PTPRD: variants seen among roughly 807,000 people sequenced by gnomAD.
PTPRD encodes the protein receptor-type tyrosine-protein phosphatase delta.
PTPRD carries 34 observed loss-of-function variants against 214.5 expected under a neutral mutation model. That is an observed-to-expected ratio of 0.16 (90% confidence interval 0.12 to 0.21). The LOEUF is 0.21. PTPRD is among the 10% of genes least tolerant of loss of function. PTPRD has a pLI of 1.00. For synonymous variants in PTPRD, 1,128 were observed against 845.7 expected, an observed-to-expected ratio of 1.33 and a Z score of -5.79; for missense variants, 2,545 against 2,398.7, an observed-to-expected ratio of 1.06 and a Z score of -1.27.
chr9:8,417,871 C>A (rs1352871901), intron 35 of PTPRD, among the ~76,000 whole-genome samples: 1 of 152,114 alleles, frequency 6.6e-6, no homozygotes, highest in Non-Finnish European at 1.5e-5. Context: ...CACAGATATA[C>A]TAACAATGAA....
intron 3 of PTPRD, among the ~76,000 whole-genome samples, chr9:10,229,870 A>T (rs955071538): frequency 3.3e-5 from 5 of 151,958 alleles, no homozygotes; most frequent in African/African-American, 1.2e-4. Context: ...AAAGATAAAA[A>T]CAAAACAAGA....
intron 3 of PTPRD, among the ~76,000 whole-genome samples, chr9:10,074,042 G>A (rs1296414848): frequency 6.6e-6 from 1 of 152,200 alleles, no homozygotes; most frequent in African/African-American, 2.4e-5. Context: ...AAATAAATAT[G>A]CTCCAGGGTG....
intron 7 of PTPRD, among the ~76,000 whole-genome samples, chr9:9,611,062 C>T (rs965975798): frequency 1.3e-5 from 2 of 152,140 alleles, no homozygotes; most frequent in African/African-American, 4.8e-5. Flanking sequence ...CTTTTAACAT[C>T]ATATTGTAAA....
At chr9:9,131,874 G>C (rs1245383498) in intron 10 of PTPRD, among the ~76,000 whole-genome samples, 1 of 150,890 alleles carries the variant, frequency 6.6e-6, no homozygotes, top group African/African-American at 2.4e-5. Flanking sequence ...AAATTTGGCA[G>C]AGGTATCAGT....
At chr9:9,389,138 T>C (rs1417216220) in intron 9 of PTPRD, among the ~76,000 whole-genome samples, 1 of 152,196 alleles carries the variant, frequency 6.6e-6, no homozygotes, top group Non-Finnish European at 1.5e-5. Flanking sequence ...AATTTGATAA[T>C]ATATGTAAAA....
intron 3 of PTPRD, among the ~76,000 whole-genome samples, chr9:10,197,238 T>C (rs1031441456): frequency 3.3e-5 from 5 of 152,140 alleles, no homozygotes; most frequent in African/African-American, 1.2e-4. Context: ...ATTCTGTTTA[T>C]GATAACTTAC....
chr9:9,311,978 AG>A (rs1159599817), intron 9 of PTPRD, among the ~76,000 whole-genome samples: 4 of 152,234 alleles, frequency 2.6e-5, no homozygotes, highest in Admixed American at 1.3e-4. Context: ...TGCTAAATGT[AG>A]CAATATACAC....
chr9:9,864,010 G>A (rs1195330101), intron 5 of PTPRD, among the ~76,000 whole-genome samples: 1 of 152,134 alleles, frequency 6.6e-6, no homozygotes, highest in African/African-American at 2.4e-5. Context: ...GGCCTAGTAA[G>A]TTTGAAAGGT....
chr9:9,379,694 T>C (rs2061666627), intron 9 of PTPRD, among the ~76,000 whole-genome samples: 1 of 152,022 alleles, frequency 6.6e-6, no homozygotes, highest in African/African-American at 2.4e-5. Flanking sequence ...AAATTTGGTT[T>C]TCCTTTGACT....
intron 32 of PTPRD, among the ~76,000 whole-genome samples, chr9:8,463,400 T>C (rs1237622593): frequency 4.6e-5 from 7 of 151,454 alleles, no homozygotes; most frequent in East Asian, 1.9e-4. Context: ...AGAAACATGA[T>C]TTTTTATATA....
chr9:8,782,595 GCTTT>G (rs1186874825), intron 11 of PTPRD, among the ~76,000 whole-genome samples: 1 of 122,734 alleles, frequency 8.1e-6, no homozygotes, highest in Non-Finnish European at 1.6e-5. Flanking sequence ...AATACTTAAC[GCTTT>G]TTTTTTTTTT....
In PTPRD at chr9:10,314,951, T is replaced by C. The variant is rs548828070; in HGVS notation, c.-545+26012A>G. Among the ~76,000 whole-genome samples, 10 of 152,040 alleles carry C rather than the reference T, an allele frequency of 6.6e-5. No homozygotes were observed. The South Asian group carries it at 2.1e-3, about 32-fold the overall frequency. ...GTTTCTTCAGGGCTGTGGGACAAGATAATATAGATTTGTACCTCCTAACTC... is the reference window on the plus strand; with the variant it reads ...GTTTCTTCAGGGCTGTGGGACAAGACAATATAGATTTGTACCTCCTAACTC... On this transcript the variant is annotated intron_variant, in intron 3 of 45. Transcript: ENST00000381196.
At chr9:9,191,999 T>C (rs2099935499) in intron 9 of PTPRD, among the ~76,000 whole-genome samples, 1 of 152,026 alleles carries the variant, frequency 6.6e-6, no homozygotes, top group Non-Finnish European at 1.5e-5. Context: ...TCTACTTAAA[T>C]AGCTAACCCA....
At position 8,733,837 on chromosome 9, in the gene PTPRD, G is replaced by A. The variant is rs1485000368; in HGVS notation, c.7C>T (p.His3Tyr). The change falls in exon 12 of 46, where the codon CAC becomes TAC. Residue 3 changes from histidine (H) to tyrosine (Y), a missense_variant. Physicochemically the swap from His to Tyr is moderately conservative, Grantham distance 83. Coordinates refer to ENST00000381196, the MANE Select transcript of PTPRD (RefSeq NM_002839.4). ...AGCAGCAGCAGCAGCCTGGCTACGTGCACCATCCTGCAGCTTGGCAGCAGC... is the reference window on the plus strand; with the variant it reads ...AGCAGCAGCAGCAGCCTGGCTACGTACACCATCCTGCAGCTTGGCAGCAGC... Reference protein sequence around the residue: MVHVARLLLLLLT... With the variant: MVYVARLLLLLLT... 6.4e-6 allele frequency: 10 copies of A among 1,551,410 alleles called. No homozygotes were observed. The highest frequency in any genetic ancestry group is 7.8e-6 in the Non-Finnish European group (9 of 1,147,170).
chr9:8,325,537 T>A (rs1832787642), intron 44 of PTPRD, among the ~76,000 whole-genome samples: 1 of 146,870 alleles, frequency 6.8e-6, no homozygotes, highest in East Asian at 2.1e-4. Flanking sequence ...AGCCTTGTTC[T>A]TTTTGCTTAG....
At chr9:10,151,908 T>C (rs1344127829) in intron 3 of PTPRD, among the ~76,000 whole-genome samples, 1 of 152,226 alleles carries the variant, frequency 6.6e-6, no homozygotes, top group African/African-American at 2.4e-5. Flanking sequence ...TACTATCCTA[T>C]GCTATGGATA....
intron 7 of PTPRD, among the ~76,000 whole-genome samples, chr9:9,601,261 G>C (rs959018598): frequency 6.6e-6 from 1 of 151,664 alleles, no homozygotes. Context: ...TTTTCTTTTT[G>C]CATGGTCAAA....
At chr9:8,518,539 TAATTAAATGA>T (rs2097827675) in intron 20 of PTPRD, 110 bp from the exon 21 acceptor site, 2 of 774,688 alleles carry the variant, frequency 2.6e-6, no homozygotes, top group Non-Finnish European at 3.9e-6. Flanking sequence ...ACTGAAGATT[TAATTAAATGA>T]AATTATAGCA....
chr9:9,814,511 A>T (rs2048139325), intron 5 of PTPRD, among the ~76,000 whole-genome samples: 1 of 152,208 alleles, frequency 6.6e-6, no homozygotes, highest in Non-Finnish European at 1.5e-5. Context: ...CTGAGAACAA[A>T]ATTAAGAAAA....
Sources: gnomAD v4.1 joint callset for allele counts (sites outside exome capture counted in the v4.1 genomes callset) on GRCh38, gnomAD v4.1.1 for gene constraint, MANE v1.5 for transcripts, NCBI Gene and HGNC (gene_info 2026-07-23, HGNC 2026-07-21) for gene names.